The following WASF3 variants were observed in gnomAD, a reference collection of about 807,000 sequenced individuals.
The protein encoded by WASF3 is WASP family member 3, also known as actin-binding protein WASF3.
A neutral mutation model predicts 46.6 loss-of-function variants in WASF3; 11 were observed. The observed-to-expected ratio is 0.24, with a 90% CI of 0.15 to 0.39. The LOEUF (loss-of-function observed/expected upper bound fraction) is 0.39, where lower values mean the gene tolerates loss of function less well. Ranked by LOEUF, WASF3 falls within the 10% of genes least tolerant of loss-of-function variation. The pLI, the probability that WASF3 is intolerant of heterozygous loss-of-function variation, is 1.00. For synonymous variants in WASF3, 242 were observed against 259.7 expected, an observed-to-expected ratio of 0.93 and a Z score of 0.65; for missense variants, 576 against 669.8, an observed-to-expected ratio of 0.86 and a Z score of 1.55.
At chr13:26,565,487 A>G (rs1470837763) in intron 1 of WASF3, among the ~76,000 whole-genome samples, 1 of 152,232 alleles carries the variant, frequency 6.6e-6, no homozygotes, top group East Asian at 1.9e-4. Flanking sequence ...ATATAAATGT[A>G]AAAACACATT....
At chr13:26,542,560 T>C in the WASF3 span, among the ~76,000 whole-genome samples, 30 of 152,256 alleles carry the variant, frequency 2.0e-4, no homozygotes, top group Non-Finnish European at 2.1e-4. Context: ...CCCTTTCAAA[T>C]GTTTTTGTAT....
At chr13:26,608,736 A>G (rs1017250908) in intron 1 of WASF3, among the ~76,000 whole-genome samples, 1 of 152,212 alleles carries the variant, frequency 6.6e-6, no homozygotes, top group African/African-American at 2.4e-5. Flanking sequence ...ACCAAGAAAG[A>G]GGAGAAACAC....
At chr13:26,680,080 G>A in intron 7 of WASF3, 1 of 1,597,900 alleles carries the variant, frequency 6.3e-7, no homozygotes, top group Non-Finnish European at 8.5e-7. Context: ...GCAAGTAAAT[G>A]TGAGAAAAGT....
chr13:26,550,868 C>T, the WASF3 span, among the ~76,000 whole-genome samples: 3 of 152,116 alleles, frequency 2.0e-5, no homozygotes, highest in African/African-American at 7.2e-5. Flanking sequence ...GCCAATGTGC[C>T]TGGAGTGACA....
chr13:26,679,946 C>A lies in WASF3; in HGVS notation c.717-1108C>A. ...CACATGGTGCCCCAGTTAAGAAAAGCTACCAACTGGAATCCCAAAGATGGA... is the reference window on the plus strand; with the variant it reads ...CACATGGTGCCCCAGTTAAGAAAAGATACCAACTGGAATCCCAAAGATGGA... On this transcript the variant is annotated intron_variant, in intron 7 of 9. Coordinates refer to ENST00000335327, the MANE Select transcript of WASF3 (RefSeq NM_006646.6). The surrounding 1 kb of genome is among the most constrained non-coding windows in gnomAD (Gnocchi z 4.8). 3 of 1,478,328 alleles carry A rather than the reference C, an allele frequency of 2.0e-6. No homozygotes were observed. Among genetic ancestry groups the A allele is most frequent in the Non-Finnish European group, 2.7e-6 (3 of 1,104,030 alleles). The allele number at this position is 1,478,328 out of a possible 1,614,324, so 91.6% of individuals were successfully genotyped here.
chr13:26,672,433 C>T (rs947178352), intron 6 of WASF3, among the ~76,000 whole-genome samples: 1 of 152,274 alleles, frequency 6.6e-6, no homozygotes, highest in Admixed American at 6.5e-5. Context: ...GTGATTTGCA[C>T]GTTCAGCGGA....
chr13:26,681,390 G>T, intron 8 of WASF3, 70 bp downstream of exon 8: 1 of 1,483,528 alleles, frequency 6.7e-7, no homozygotes, highest in South Asian at 1.4e-5. Flanking sequence ...TGTGGTAGGA[G>T]AATTTTAACT....
In WASF3 at chr13:26,599,108, C is replaced by A. The variant is rs537468180; in HGVS notation, c.-108-13853C>A. On this transcript the variant is annotated intron_variant, in intron 1 of 9. Transcript: ENST00000335327. Reference sequence around the variant, plus strand: ...AACTCCTGACCTCGGGTGATTCACCCGTCTTGGTCTCCCAAAGTGCTGGGA... The same window carrying A: ...AACTCCTGACCTCGGGTGATTCACCAGTCTTGGTCTCCCAAAGTGCTGGGA... Among the ~76,000 whole-genome samples the A allele has an allele frequency of 2.0e-5, 3 of 151,662 alleles. No individual in the cohort carries two copies. In the Middle Eastern group the frequency reaches 0.01, roughly 523 times the overall value.
At chr13:26,570,824 G>A (rs552534181) in intron 1 of WASF3, among the ~76,000 whole-genome samples, 30 of 152,252 alleles carry the variant, frequency 2.0e-4, no homozygotes, top group African/African-American at 6.7e-4. Flanking sequence ...CCTCAAATTT[G>A]GATTTCTGGG....
At chr13:26,547,788 A>T in the WASF3 span, among the ~76,000 whole-genome samples, 1 of 152,098 alleles carries the variant, frequency 6.6e-6, no homozygotes, top group Admixed American at 6.5e-5. Context: ...TTTTTTGAAC[A>T]TCTCCATTAA....
At chr13:26,587,370 G>A (rs187755709) in intron 1 of WASF3, among the ~76,000 whole-genome samples, 2 of 151,838 alleles carry the variant, frequency 1.3e-5, no homozygotes, top group East Asian at 1.9e-4. Context: ...CCTCTGAAAG[G>A]GCTACACAGT....
chr13:26,606,509 C>T (rs1405261266), intron 1 of WASF3: 4 of 151,792 alleles, frequency 2.6e-5, no homozygotes, highest in Middle Eastern at 3.1e-3. Flanking sequence ...GTGTGCGTCA[C>T]CATGCCCAGC....
rs770353128 is a variant in WASF3, at chr13:26,682,574, C to T, written c.984-33C>T. 6.2e-7 allele frequency: 1 copy of T among 1,613,508 alleles called. No individual in the cohort carries two copies. Among genetic ancestry groups the T allele is most frequent in the Non-Finnish European group, 8.5e-7 (1 of 1,179,824 alleles). ...CCCAGGACGTGACCCTCTCTTGTTC[C>T]CTTGGTGACTATGTGCCTCATATCT... On this transcript the variant is annotated intron_variant, in intron 8 of 9. Transcript: ENST00000335327. The surrounding 1 kb of genome is among the most constrained non-coding windows in gnomAD (Gnocchi z 4.4).
chr13:26,554,781 T>C (rs1309231769), upstream of WASF3, among the ~76,000 whole-genome samples: 1 of 152,246 alleles, frequency 6.6e-6, no homozygotes, highest in African/African-American at 2.4e-5. Context: ...GCAATTTGTT[T>C]ATTCATTCAC....
chr13:26,639,838 G>T (rs924938705), intron 2 of WASF3: 1 of 152,560 alleles, frequency 6.6e-6, no homozygotes, highest in Non-Finnish European at 1.5e-5. Context: ...AGCGGGACGG[G>T]GAGCTGTGGG....
chr13:26,681,754 G>T (rs191188920), intron 8 of WASF3, among the ~76,000 whole-genome samples: 188 of 152,082 alleles, frequency 1.2e-3, no homozygotes, highest in African/African-American at 4.2e-3. Context: ...ATCTGCTTTC[G>T]TGACCTCTGA....
At chr13:26,603,330 G>C (rs1164743660) in intron 1 of WASF3, among the ~76,000 whole-genome samples, 3 of 152,288 alleles carry the variant, frequency 2.0e-5, no homozygotes, top group Admixed American at 2.0e-4. Context: ...AGGTGTTCCA[G>C]CACCTGAACA....
chr13:26,667,188 C>G (rs545762970), intron 4 of WASF3, among the ~76,000 whole-genome samples: 99 of 152,248 alleles, frequency 6.5e-4, no homozygotes, highest in Admixed American at 2.0e-4. Flanking sequence ...CAAATCTGTG[C>G]ATTTACATGC....
At chr13:26,595,169 A>G (rs149758241) in intron 1 of WASF3, among the ~76,000 whole-genome samples, 365 of 152,318 alleles carry the variant, frequency 2.4e-3, no homozygotes, top group Non-Finnish European at 4.1e-3. Context: ...GGAATATCTC[A>G]GGAGGAACGT....
Sources: gnomAD v4.1 joint callset for allele counts (sites outside exome capture counted in the v4.1 genomes callset) on GRCh38, gnomAD v4.1.1 for gene constraint, Gnocchi (gnomAD v3.1) non-coding constraint, MANE v1.5 for transcripts, NCBI Gene and HGNC (gene_info 2026-07-23, HGNC 2026-07-21) for gene names.